The following MALRD1 variants were observed in gnomAD, a reference collection of about 807,000 sequenced individuals.
MALRD1 encodes the protein MAM and LDL-receptor class A domain-containing protein 1.
Under a neutral mutation model 242.1 loss-of-function variants are expected in MALRD1, and 247 were observed. That is an observed-to-expected ratio of 1.02 (90% confidence interval 0.92 to 1.13). The LOEUF is 1.13. Among genes scored for constraint, MALRD1 ranks in the 50% most tolerant of loss-of-function variants. The pLI is 0.00. For missense variants in MALRD1, 2,989 were observed against 2,533.1 expected (o/e 1.18, Z -3.86); for synonymous variants, 995 against 866.6 (o/e 1.15, Z -2.60).
Position 19,592,422 on chromosome 10 carries a change from G to A in MALRD1, c.5681-2772G>A, listed in dbSNP as rs376766295. 4.6e-5 allele frequency among the ~76,000 whole-genome samples: 7 copies of A among 152,226 alleles called. No homozygotes were observed. In the East Asian group the frequency reaches 1.2e-3, roughly 25 times the overall value. On this transcript the variant is annotated intron_variant, in intron 33 of 39. Coordinates refer to ENST00000454679, the MANE Select transcript of MALRD1 (RefSeq NM_001142308.3). The stretch of plus-strand genomic sequence containing the variant: ...AACTCACCAGTCAATGAATGGAGCT[G>A]TTCCCAGGAGGAGGTGTAACTCTGG...
intron 28 of MALRD1, among the ~76,000 whole-genome samples, chr10:19,444,777 A>T (rs1216563770): frequency 2.6e-5 from 4 of 152,036 alleles, no homozygotes; most frequent in Non-Finnish European, 5.9e-5. Context: ...GTATCTGACA[A>T]TTATGTGTCT....
intron 30 of MALRD1, among the ~76,000 whole-genome samples, chr10:19,497,962 T>C (rs1837796747): frequency 6.6e-6 from 1 of 152,232 alleles, no homozygotes; most frequent in Admixed American, 6.5e-5. Flanking sequence ...GAGAATTTCT[T>C]TCTTTAATTT....
At chr10:19,127,338 T>C (rs1053733950) in intron 7 of MALRD1, among the ~76,000 whole-genome samples, 2 of 152,226 alleles carry the variant, frequency 1.3e-5, no homozygotes, top group African/African-American at 4.8e-5. Context: ...AAGACATTAA[T>C]GTAAATAGTG....
rs368405620 is a variant in MALRD1, at chr10:19,305,258, C to G, written c.3420-18691C>G. Among the ~76,000 whole-genome samples, 73 of 151,712 alleles carry G rather than the reference C, an allele frequency of 4.8e-4. 1 individual carries two copies. Among genetic ancestry groups the G allele is most frequent in the African/African-American group, 1.6e-3 (65 of 41,474 alleles). On this transcript the variant is annotated intron_variant, in intron 21 of 39. Transcript: ENST00000454679. ...GTTTAAAAATTCCAAGGAATCTAAT[C>G]GCAATCTAACATTAATGTGCAGTAC...
intron 14 of MALRD1, among the ~76,000 whole-genome samples, chr10:19,177,246 C>T (rs189399908): frequency 6.8e-6 from 1 of 147,752 alleles, no homozygotes; most frequent in East Asian, 2.0e-4. Flanking sequence ...CGCCACTGCA[C>T]TCAAGCCTGG....
At position 19,635,816 on chromosome 10, in the gene MALRD1, A is replaced by G. The variant is rs1589339796; in HGVS notation, c.6137+19893A>G. On this transcript the variant is annotated intron_variant, in intron 36 of 39. Coordinates refer to ENST00000454679, the MANE Select transcript of MALRD1 (RefSeq NM_001142308.3). ...TGCAAAACATACACTGAAATAAACT[A>G]AAAATGCACACCTTGTCATATTGTA... Among the ~76,000 whole-genome samples the G allele has an allele frequency of 2.0e-5, 3 of 152,338 alleles. No individual in the cohort carries two copies. The East Asian group carries it at 5.8e-4, about 29-fold the overall frequency.
intron 29 of MALRD1, among the ~76,000 whole-genome samples, chr10:19,452,403 C>T (rs906542188): frequency 6.6e-5 from 10 of 152,136 alleles, no homozygotes; most frequent in African/African-American, 2.2e-4. Context: ...TAATATCTTA[C>T]GTTTAGTGAT....
chr10:19,439,171 T>TTTAATTTAAAAATTACATAAAAC (rs1564340521), intron 28 of MALRD1, among the ~76,000 whole-genome samples: 2 of 149,794 alleles, frequency 1.3e-5, no homozygotes, highest in African/African-American at 5.1e-5. Context: ...TTACATAAAA[T>TTTAATTTAAAAATTACATAAAAC]AGCCATTATT....
At chr10:19,386,207 A>G (rs1470650114) in intron 26 of MALRD1, among the ~76,000 whole-genome samples, 1 of 152,228 alleles carries the variant, frequency 6.6e-6, no homozygotes, top group African/African-American at 2.4e-5. Flanking sequence ...ACAAGCTTCT[A>G]TATGAGGTTG....
chr10:19,425,585 G>T (rs1362039967), intron 28 of MALRD1, among the ~76,000 whole-genome samples: 2 of 152,084 alleles, frequency 1.3e-5, no homozygotes, highest in African/African-American at 4.8e-5. Context: ...GTTCTCGATG[G>T]GCTGCAGAGA....
intron 24 of MALRD1, among the ~76,000 whole-genome samples, chr10:19,341,194 T>A (rs1458006336): frequency 6.6e-6 from 1 of 152,032 alleles, no homozygotes; most frequent in Admixed American, 6.6e-5. Flanking sequence ...TATATTCAAG[T>A]CAACACATAG....
intron 14 of MALRD1, among the ~76,000 whole-genome samples, chr10:19,178,858 C>G (rs550569264): frequency 2.1e-4 from 32 of 152,200 alleles, no homozygotes; most frequent in African/African-American, 7.7e-4. Context: ...ACTCCTTCGG[C>G]AAATATTTAT....
chr10:19,074,840 A>G (rs1450127122), intron 2 of MALRD1, among the ~76,000 whole-genome samples: 1 of 152,084 alleles, frequency 6.6e-6, no homozygotes, highest in East Asian at 1.9e-4. Context: ...CTTCAAATTA[A>G]TTTAGACACA....
At chr10:19,247,623 G>A (rs1215592723) in intron 18 of MALRD1, among the ~76,000 whole-genome samples, 2 of 151,584 alleles carry the variant, frequency 1.3e-5, no homozygotes, top group Admixed American at 6.6e-5. Context: ...GGAATCAGAG[G>A]CTTAAGTGAC....
intron 28 of MALRD1, among the ~76,000 whole-genome samples, chr10:19,400,538 A>C (rs1484491557): frequency 1.3e-5 from 2 of 152,204 alleles, no homozygotes; most frequent in African/African-American, 4.8e-5. Flanking sequence ...CATAGTAGGT[A>C]TTAAACACAT....
chr10:19,068,198 G>A (rs1564371070), intron 2 of MALRD1, among the ~76,000 whole-genome samples: 1 of 151,806 alleles, frequency 6.6e-6, no homozygotes. Flanking sequence ...GTTTGTCGGT[G>A]GCTCTTACTG....
chr10:19,406,069 A>C (rs1476668237), intron 28 of MALRD1, among the ~76,000 whole-genome samples: 1 of 152,156 alleles, frequency 6.6e-6, no homozygotes, highest in African/African-American at 2.4e-5. Flanking sequence ...TAGAATCCAT[A>C]AGCCACTTTC....
intron 32 of MALRD1, among the ~76,000 whole-genome samples, chr10:19,552,416 T>C (rs770735920): frequency 2.0e-5 from 3 of 152,182 alleles, no homozygotes; most frequent in African/African-American, 7.2e-5. Flanking sequence ...TCAGTGGTAA[T>C]ATTACCCTTA....
At chr10:19,105,918 C>G (rs1241995792) in intron 5 of MALRD1, among the ~76,000 whole-genome samples, 2 of 151,804 alleles carry the variant, frequency 1.3e-5, no homozygotes, top group African/African-American at 4.8e-5. Flanking sequence ...TGAGAATTGA[C>G]CCCTTATTAG....
Sources: gnomAD v4.1 joint callset for allele counts (sites outside exome capture counted in the v4.1 genomes callset) on GRCh38, gnomAD v4.1.1 for gene constraint, MANE v1.5 for transcripts, NCBI Gene and HGNC (gene_info 2026-07-23, HGNC 2026-07-21) for gene names.